The following PURA variants were observed in gnomAD, a reference collection of about 807,000 sequenced individuals.
The protein encoded by PURA is purine rich element binding protein A.
PURA carries 2 observed loss-of-function variants against 23.1 expected under a neutral mutation model. That is an observed-to-expected ratio of 0.09 (90% CI 0.04 to 0.27). PURA has a LOEUF of 0.27. Ranked by LOEUF, PURA falls within the 10% of genes least tolerant of loss-of-function variation. The pLI, the probability that PURA is intolerant of heterozygous loss-of-function variation, is 1.00. For missense variants in PURA, 187 were observed against 449.7 expected (o/e 0.42, Z 5.28); for synonymous variants, 254 against 205.9 (o/e 1.23, Z -2.00).
rs2126748494 is a variant in PURA, at chr5:140,114,169, G to C, written c.-13G>C. On this transcript the variant is annotated 5_prime_UTR_variant, in exon 1 of 1. Transcript: ENST00000331327. The stretch of plus-strand genomic sequence containing the variant: ...CGGCAGGCGGCGGCGGCGCGGCAGC[G>C]GAGCGCAGCATCATGGCGGACCGAG... 1.4e-6 allele frequency: 1 copy of C among 690,338 alleles called. No individual in the cohort carries two copies. Among genetic ancestry groups the C allele is most frequent in the African/African-American group, 1.9e-5 (1 of 52,850 alleles). The allele number at this position is 690,338 out of a possible 1,614,324, so 42.8% of individuals were successfully genotyped here.
rs1020841759 is a variant in PURA, at chr5:140,121,317, A to C, written c.*6167A>C. 6.0e-6 allele frequency: 1 copy of C among 166,988 alleles called. No homozygotes were observed. The highest frequency in any genetic ancestry group is 1.9e-4 in the East Asian group (1 of 5,210). 10.3% of individuals were successfully genotyped at this position (166,988 alleles called of 1,614,324 possible). On this transcript the variant is annotated 3_prime_UTR_variant, in exon 1 of 1. Coordinates refer to ENST00000331327, the MANE Select transcript of PURA (RefSeq NM_005859.5). ...TTAAGAAAATATGTCCTTATCGTGA[A>C]GTGGCAGTTAAAGTTATGGGACAGG...
rs1422300940 is a variant in PURA at position 140,125,382 on chromosome 5, A to C, written c.*10232A>C. The C allele has an allele frequency of 6.0e-6, 1 of 167,044 alleles. No homozygotes were observed. Among genetic ancestry groups the C allele is most frequent in the Non-Finnish European group, 1.5e-5 (1 of 68,106 alleles). 10.3% of individuals were successfully genotyped at this position (167,044 alleles called of 1,614,324 possible). A position where few individuals can be genotyped will look rare whatever the true frequency, so the allele number is the denominator to read the frequency against. On this transcript the variant is annotated 3_prime_UTR_variant, in exon 1 of 1. Transcript: ENST00000331327. ...CTTCGTTAGACATTATAACAACCAG[A>C]GAGAAGGGAAAAAAGCAAAGTTCTG...
chr5:140,115,451 C>T lies in PURA; in HGVS notation c.*301C>T. 4.7e-6 allele frequency: 1 copy of T among 210,762 alleles called. No homozygotes were observed. Among genetic ancestry groups the T allele is most frequent in the Non-Finnish European group, 1.0e-5 (1 of 97,392 alleles). 13.1% of individuals were successfully genotyped at this position (210,762 alleles called of 1,614,324 possible). The stretch of plus-strand genomic sequence containing the variant: ...AATAACATTATATGAACTGTGTTTC[C>T]TACTTGATTAAAAAATATAAAGAAC... On this transcript the variant is annotated 3_prime_UTR_variant, in exon 1 of 1. Coordinates refer to ENST00000331327, the MANE Select transcript of PURA (RefSeq NM_005859.5). This position sits in a 1 kb window ranked among gnomAD's most constrained non-coding sequence, Gnocchi z 4.1.
chr5:140,123,420 A>T lies in PURA; in HGVS notation c.*8270A>T, dbSNP rs1435082686. The T allele has an allele frequency of 2.4e-5, 4 of 166,956 alleles. No individual in the cohort carries two copies. The highest frequency in any genetic ancestry group is 7.2e-5 in the African/African-American group (3 of 41,450). 10.3% of individuals were successfully genotyped at this position (166,956 alleles called of 1,614,324 possible). On this transcript the variant is annotated 3_prime_UTR_variant, in exon 1 of 1. Coordinates refer to ENST00000331327, the MANE Select transcript of PURA (RefSeq NM_005859.5). ...ATTTCTAGTTTTCATTATTTGCACT[A>T]TTTATCTTTGCACTTGATTTTTTGA...
In PURA at chr5:140,124,247, T is replaced by C. The variant is rs1763181558; in HGVS notation, c.*9097T>C. ...TTTGTAAGTTATTTGGTTATTTCAT[T>C]TTATATTCCCTTTCCCATAGCTTTG... On this transcript the variant is annotated 3_prime_UTR_variant, in exon 1 of 1. Coordinates refer to ENST00000331327, the MANE Select transcript of PURA (RefSeq NM_005859.5). The C allele has an allele frequency of 6.0e-6, 1 of 167,012 alleles. No individual in the cohort carries two copies. The highest frequency in any genetic ancestry group is 1.5e-5 in the Non-Finnish European group (1 of 68,076). 10.3% of individuals were successfully genotyped at this position (167,012 alleles called of 1,614,324 possible).
rs1174351829 is a variant in PURA at position 140,122,021 on chromosome 5, G to A, written c.*6871G>A. ...AGGAAATGAAGTTGATCTTCACTAA[G>A]GAAGTTTCAATAAAGCCAGAGAAAA... On this transcript the variant is annotated 3_prime_UTR_variant, in exon 1 of 1. Transcript: ENST00000331327. The A allele has an allele frequency of 1.2e-5, 2 of 166,772 alleles. No homozygotes were observed. The highest frequency in any genetic ancestry group is 1.3e-4 in the Admixed American group (2 of 15,240). The allele number at this position is 166,772 out of a possible 1,614,324, so 10.3% of individuals were successfully genotyped here.
rs1763080377 is a variant in PURA at position 140,116,394 on chromosome 5, G to C, written c.*1244G>C. The C allele has an allele frequency of 6.0e-6, 1 of 167,072 alleles. No individual in the cohort carries two copies. The highest frequency in any genetic ancestry group is 1.9e-4 in the East Asian group (1 of 5,206). 10.3% of individuals were successfully genotyped at this position (167,072 alleles called of 1,614,324 possible). A position where few individuals can be genotyped will look rare whatever the true frequency, so the allele number is the denominator to read the frequency against. On this transcript the variant is annotated 3_prime_UTR_variant, in exon 1 of 1. Transcript: ENST00000331327. ...GGATTCTGAGTTTTGTTTTAAAAGT[G>C]AAAGCCAAGTTGGTGTATGTAAAGG...
Position 140,122,758 on chromosome 5 carries a change from C to G in PURA, c.*7608C>G, listed in dbSNP as rs1561795252. 6.0e-6 allele frequency: 1 copy of G among 166,544 alleles called. No individual in the cohort carries two copies. The highest frequency in any genetic ancestry group is 2.1e-4 in the South Asian group (1 of 4,822). 10.3% of individuals were successfully genotyped at this position (166,544 alleles called of 1,614,324 possible). A position where few individuals can be genotyped will look rare whatever the true frequency, so the allele number is the denominator to read the frequency against. ...AGCTGATAGTGTTTAGATTTCTGTT[C>G]CCATTATTCCAGTAGTGTTTTAAAT... On this transcript the variant is annotated 3_prime_UTR_variant, in exon 1 of 1. Coordinates refer to ENST00000331327, the MANE Select transcript of PURA (RefSeq NM_005859.5).
At position 140,114,955 on chromosome 5, in the gene PURA, C is replaced by T; in HGVS notation, c.774C>T (p.Thr258=). ...AGCCCACCTATCGCAACTCCATCAC[C>T]GTGCCCTACAAGGTGTGGGCCAAGT... ...EVKPTYRNSI[T]VPYKVWAKFG... Residue 258 remains threonine, a synonymous_variant, in exon 1 of 1, where the codon ACC becomes ACT. Transcript: ENST00000331327. 2 of 1,614,218 alleles carry T rather than the reference C, an allele frequency of 1.2e-6. No individual in the cohort carries two copies. Among genetic ancestry groups the T allele is most frequent in the Non-Finnish European group, 1.7e-6 (2 of 1,180,014 alleles).
chr5:140,122,180 T>G lies in PURA; in HGVS notation c.*7030T>G, dbSNP rs1016058213. ...GGGACAAATTAGCACAATTGTGGAA[T>G]GACAGCTTTTCTGGTCAAGGCAAGT... is the stretch of plus-strand genomic sequence containing the variant. On this transcript the variant is annotated 3_prime_UTR_variant, in exon 1 of 1. Transcript: ENST00000331327. 2.4e-5 allele frequency: 4 copies of G among 166,944 alleles called. No homozygotes were observed. The highest frequency in any genetic ancestry group is 7.2e-5 in the African/African-American group (3 of 41,454). 10.3% of individuals were successfully genotyped at this position (166,944 alleles called of 1,614,324 possible).
Position 140,118,072 on chromosome 5 carries a change from A to G in PURA, c.*2922A>G, listed in dbSNP as rs1329831717. 2 of 166,700 alleles carry G rather than the reference A, an allele frequency of 1.2e-5. No homozygotes were observed. The highest frequency in any genetic ancestry group is 2.9e-5 in the Non-Finnish European group (2 of 68,044). 10.3% of individuals were successfully genotyped at this position (166,700 alleles called of 1,614,324 possible). A position where few individuals can be genotyped will look rare whatever the true frequency, so the allele number is the denominator to read the frequency against. ...TGGAATTTTTCCTTGTTTTTATTTT[A>G]CTAGTTGGTAAACCCTGTTTATGCT... On this transcript the variant is annotated 3_prime_UTR_variant, in exon 1 of 1. Coordinates refer to ENST00000331327, the MANE Select transcript of PURA (RefSeq NM_005859.5).
In PURA at chr5:140,120,406, T is replaced by C. The variant is rs1339914080; in HGVS notation, c.*5256T>C. The C allele has an allele frequency of 1.2e-5, 2 of 166,858 alleles. No homozygotes were observed. The highest frequency in any genetic ancestry group is 4.8e-5 in the African/African-American group (2 of 41,452). 10.3% of individuals were successfully genotyped at this position (166,858 alleles called of 1,614,324 possible). ...AATCACAATATTTCTGTTTTCTTCA[T>C]TGCATATTAACCAAATTTTGGCCAT... is the stretch of plus-strand genomic sequence containing the variant. On this transcript the variant is annotated 3_prime_UTR_variant, in exon 1 of 1. Transcript: ENST00000331327.
At position 140,118,003 on chromosome 5, in the gene PURA, G is replaced by A. The variant is rs1190252015; in HGVS notation, c.*2853G>A. On this transcript the variant is annotated 3_prime_UTR_variant, in exon 1 of 1. Coordinates refer to ENST00000331327, the MANE Select transcript of PURA (RefSeq NM_005859.5). ...TCCTTTCCCTACCCTTCCCTCCCAGGTGCTCGGTACTTTACCTAGTTTCTA... is the reference window on the plus strand; with the variant it reads ...TCCTTTCCCTACCCTTCCCTCCCAGATGCTCGGTACTTTACCTAGTTTCTA... The A allele has an allele frequency of 6.0e-6, 1 of 166,710 alleles. No homozygotes were observed. Among genetic ancestry groups the A allele is most frequent in the Non-Finnish European group, 1.5e-5 (1 of 68,052 alleles). The allele number at this position is 166,710 out of a possible 1,614,324, so 10.3% of individuals were successfully genotyped here.
chr5:140,114,132 C>A lies in PURA; in HGVS notation c.-50C>A. On this transcript the variant is annotated 5_prime_UTR_variant, in exon 1 of 1. Transcript: ENST00000331327. ...GCAGCGGCGGCTGAGGCGACTGAGGCGGCGGGCGGAGCGGCAGGCGGCGGC... is the reference window on the plus strand; with the variant it reads ...GCAGCGGCGGCTGAGGCGACTGAGGAGGCGGGCGGAGCGGCAGGCGGCGGC... 2 of 414,492 alleles carry A rather than the reference C, an allele frequency of 4.8e-6. No homozygotes were observed. The highest frequency in any genetic ancestry group is 7.5e-6 in the Non-Finnish European group (2 of 267,488). The allele number at this position is 414,492 out of a possible 1,614,324, so 25.7% of individuals were successfully genotyped here.
chr5:140,119,651 C>T lies in PURA; in HGVS notation c.*4501C>T, dbSNP rs1294108322. The T allele has an allele frequency of 1.8e-5, 3 of 166,618 alleles. No homozygotes were observed. Among genetic ancestry groups the T allele is most frequent in the Non-Finnish European group, 4.4e-5 (3 of 67,906 alleles). The allele number at this position is 166,618 out of a possible 1,614,324, so 10.3% of individuals were successfully genotyped here. A position where few individuals can be genotyped will look rare whatever the true frequency, so the allele number is the denominator to read the frequency against. The stretch of plus-strand genomic sequence containing the variant: ...TTTTTCTTCCTATTTTCTTATGTAA[C>T]TTGACGTTTGGGGGGATTATCTCAT... On this transcript the variant is annotated 3_prime_UTR_variant, in exon 1 of 1. Coordinates refer to ENST00000331327, the MANE Select transcript of PURA (RefSeq NM_005859.5).
rs1763070273 is a variant in PURA, at chr5:140,115,721, T to C, written c.*571T>C. 6.0e-6 allele frequency: 1 copy of C among 167,084 alleles called. No homozygotes were observed. The highest frequency in any genetic ancestry group is 1.5e-5 in the Non-Finnish European group (1 of 68,136). 10.4% of individuals were successfully genotyped at this position (167,084 alleles called of 1,614,324 possible). A position where few individuals can be genotyped will look rare whatever the true frequency, so the allele number is the denominator to read the frequency against. On this transcript the variant is annotated 3_prime_UTR_variant, in exon 1 of 1. Coordinates refer to ENST00000331327, the MANE Select transcript of PURA (RefSeq NM_005859.5). The surrounding 1 kb of genome is among the most constrained non-coding windows in gnomAD (Gnocchi z 4.1). ...CTTACATGGAGGTTATTATAGTATA[T>C]TTGACACCCTATATACCTGTGATTA...
Position 140,118,071 on chromosome 5 carries a change from T to C in PURA, c.*2921T>C, listed in dbSNP as rs1448042126. 1.2e-5 allele frequency: 2 copies of C among 166,892 alleles called. No homozygotes were observed. Among genetic ancestry groups the C allele is most frequent in the Non-Finnish European group, 2.9e-5 (2 of 68,090 alleles). The allele number at this position is 166,892 out of a possible 1,614,324, so 10.3% of individuals were successfully genotyped here. ...TTGGAATTTTTCCTTGTTTTTATTTTACTAGTTGGTAAACCCTGTTTATGC... is the reference window on the plus strand; with the variant it reads ...TTGGAATTTTTCCTTGTTTTTATTTCACTAGTTGGTAAACCCTGTTTATGC... On this transcript the variant is annotated 3_prime_UTR_variant, in exon 1 of 1. Transcript: ENST00000331327.
In PURA at chr5:140,115,442, C is replaced by T. The variant is rs1205236164; in HGVS notation, c.*292C>T. On this transcript the variant is annotated 3_prime_UTR_variant, in exon 1 of 1. Transcript: ENST00000331327. The surrounding 1 kb of genome is among the most constrained non-coding windows in gnomAD (Gnocchi z 4.1). ...ACAAAAAGTAATAACATTATATGAA[C>T]TGTGTTTCCTACTTGATTAAAAAAT... 1 of 225,382 alleles carries T rather than the reference C, an allele frequency of 4.4e-6. No homozygotes were observed. Among genetic ancestry groups the T allele is most frequent in the Non-Finnish European group, 9.3e-6 (1 of 107,120 alleles). The allele number at this position is 225,382 out of a possible 1,614,324, so 14.0% of individuals were successfully genotyped here.
rs570877689 is a variant in PURA at position 140,115,602 on chromosome 5, G to A, written c.*452G>A. On this transcript the variant is annotated 3_prime_UTR_variant, in exon 1 of 1. Coordinates refer to ENST00000331327, the MANE Select transcript of PURA (RefSeq NM_005859.5). The surrounding 1 kb of genome is among the most constrained non-coding windows in gnomAD (Gnocchi z 4.1). ...ATTATATAAAAGTCCTTTTCATGTT[G>A]AGCTAACATTTGACTTTAGCACAAA... is the stretch of plus-strand genomic sequence containing the variant. 1.2e-5 allele frequency: 2 copies of A among 167,200 alleles called. No individual in the cohort carries two copies. Among genetic ancestry groups the A allele is most frequent in the African/African-American group, 4.8e-5 (2 of 41,548 alleles). 10.4% of individuals were successfully genotyped at this position (167,200 alleles called of 1,614,324 possible).
Sources: gnomAD v4.1 joint callset for allele counts on GRCh38, gnomAD v4.1.1 for gene constraint, Gnocchi (gnomAD v3.1) non-coding constraint, MANE v1.5 for transcripts, NCBI Gene and HGNC (gene_info 2026-07-23, HGNC 2026-07-21) for gene names.